ST6GALNAC3: variants seen among roughly 807,000 people sequenced by gnomAD.
The protein encoded by ST6GALNAC3 is alpha-N-acetylgalactosaminide alpha-2,6-sialyltransferase 3.
A neutral mutation model predicts 32.7 loss-of-function variants in ST6GALNAC3; 25 were observed. That is an observed-to-expected ratio of 0.76 (90% CI 0.56 to 1.07). The LOEUF (loss-of-function observed/expected upper bound fraction) is 1.07. Ranked by LOEUF, ST6GALNAC3 falls within the 50% of genes least tolerant of loss-of-function variation. ST6GALNAC3 has a pLI of 0.00. For missense variants in ST6GALNAC3, 355 were observed against 382.4 expected (o/e 0.93, Z 0.60); for synonymous variants, 129 against 133.1 (o/e 0.97, Z 0.21).
chr1:76,541,007 T>C (rs2100285809), intron 3 of ST6GALNAC3, among the ~76,000 whole-genome samples: 1 of 152,252 alleles, frequency 6.6e-6, no homozygotes, highest in Non-Finnish European at 1.5e-5. Flanking sequence ...AGTAAGTTTT[T>C]AGAGTCAGAG....
At chr1:76,449,136 G>T (rs886255409) in intron 3 of ST6GALNAC3, among the ~76,000 whole-genome samples, 1 of 152,154 alleles carries the variant, frequency 6.6e-6, no homozygotes, top group African/African-American at 2.4e-5. Context: ...GTCTTTATCT[G>T]CATTGTGAAA....
chr1:76,366,065 CT>C (rs548552752), intron 2 of ST6GALNAC3, among the ~76,000 whole-genome samples: 1 of 151,936 alleles, frequency 6.6e-6, no homozygotes, highest in Non-Finnish European at 1.5e-5. Flanking sequence ...TAGATGATTT[CT>C]TTTTTTTAAA....
intron 1 of ST6GALNAC3, among the ~76,000 whole-genome samples, chr1:76,171,814 CAACA>C (rs771019282): frequency 0.063 from 3,602 of 56,830 alleles, 118 homozygotes; most frequent in East Asian, 0.27. Flanking sequence ...ACCAAAACAA[CAACA>C]AAAAAAAAAA....
intron 3 of ST6GALNAC3, among the ~76,000 whole-genome samples, chr1:76,606,280 G>C (rs1647540159): frequency 6.6e-6 from 1 of 152,090 alleles, no homozygotes; most frequent in Non-Finnish European, 1.5e-5. Context: ...GTTCATTGCA[G>C]CACCATTCAC....
rs1557529022 is a variant in ST6GALNAC3 at position 76,525,808 on chromosome 1, T to TAC, written c.624-101643_624-101642insCA. 5.4e-3 allele frequency among the ~76,000 whole-genome samples: 701 copies of TAC among 129,670 alleles called. 9 individuals are homozygous for TAC. The highest frequency in any genetic ancestry group is 0.017 in the African/African-American group (660 of 37,806). 85.1% of individuals were successfully genotyped at this position (129,670 alleles called of 152,430 possible). ...GTGTGTGTGTATATATATATATATA[T>TAC]ATATATATATATATATATATGACCG... On this transcript the variant is annotated intron_variant, in intron 3 of 4. Transcript: ENST00000328299.
intron 3 of ST6GALNAC3, among the ~76,000 whole-genome samples, chr1:76,449,899 T>C (rs1409707638): frequency 6.6e-6 from 1 of 152,170 alleles, no homozygotes; most frequent in Non-Finnish European, 1.5e-5. Context: ...ATATCTAAGA[T>C]TTTGGTGCAC....
intron 1 of ST6GALNAC3, among the ~76,000 whole-genome samples, chr1:76,155,406 A>C: frequency 6.6e-6 from 1 of 152,342 alleles, no homozygotes; most frequent in Middle Eastern, 3.4e-3. Flanking sequence ...TGTTTCAAAC[A>C]GCTTTAGATT....
At chr1:76,481,747 T>C (rs945578742) in intron 3 of ST6GALNAC3, among the ~76,000 whole-genome samples, 1 of 152,190 alleles carries the variant, frequency 6.6e-6, no homozygotes, top group Non-Finnish European at 1.5e-5. Flanking sequence ...AAGTGTATTG[T>C]GTATGTGACA....
chr1:76,385,744 G>T (rs1349302695), intron 2 of ST6GALNAC3, among the ~76,000 whole-genome samples: 1 of 151,970 alleles, frequency 6.6e-6, no homozygotes, highest in Non-Finnish European at 1.5e-5. Context: ...AAGATATTTT[G>T]GAAACTGACT....
intron 1 of ST6GALNAC3, among the ~76,000 whole-genome samples, chr1:76,283,002 G>A (rs986553354): frequency 2.6e-5 from 4 of 152,012 alleles, no homozygotes; most frequent in Non-Finnish European, 5.9e-5. Context: ...TCAAGATCAC[G>A]CCACTGCACT....
intron 3 of ST6GALNAC3, among the ~76,000 whole-genome samples, chr1:76,425,257 C>T (rs1312994579): frequency 6.6e-6 from 1 of 151,912 alleles, no homozygotes; most frequent in African/African-American, 2.4e-5. Flanking sequence ...CTGTATAGCG[C>T]CTATGCAAAT....
chr1:76,149,104 C>A (rs772839113), intron 1 of ST6GALNAC3, among the ~76,000 whole-genome samples: 1 of 152,180 alleles, frequency 6.6e-6, no homozygotes, highest in African/African-American at 2.4e-5. Context: ...ACCTGGTAAT[C>A]GGTCTCTCTA....
At position 76,509,983 on chromosome 1, in the gene ST6GALNAC3, C is replaced by G. The variant is rs1661742947; in HGVS notation, c.623+97566C>G. The stretch of plus-strand genomic sequence containing the variant: ...TATCTTTAGGGAGCTATTATTCTAT[C>G]TAACACAGGGAAAAAAAGGATTTTC... On this transcript the variant is annotated intron_variant, in intron 3 of 4. Transcript: ENST00000328299. The surrounding 1 kb of genome is among the most constrained non-coding windows in gnomAD (Gnocchi z 5.5). 6.6e-6 allele frequency among the ~76,000 whole-genome samples: 1 copy of G among 152,128 alleles called. No homozygotes were observed. The highest frequency in any genetic ancestry group is 1.5e-5 in the Non-Finnish European group (1 of 68,014).
At chr1:76,254,630 A>C (rs1355754571) in intron 1 of ST6GALNAC3, among the ~76,000 whole-genome samples, 1 of 152,086 alleles carries the variant, frequency 6.6e-6, no homozygotes, top group Non-Finnish European at 1.5e-5. Flanking sequence ...AGACTGCCCT[A>C]TAGGCATTGG....
chr1:76,334,573 A>C (rs1647317109), intron 2 of ST6GALNAC3, among the ~76,000 whole-genome samples: 1 of 152,194 alleles, frequency 6.6e-6, no homozygotes, highest in Non-Finnish European at 1.5e-5. Flanking sequence ...CACAGAAATG[A>C]GATTCACCAA....
chr1:76,374,282 T>A (rs1651048568), intron 2 of ST6GALNAC3, among the ~76,000 whole-genome samples: 1 of 152,168 alleles, frequency 6.6e-6, no homozygotes, highest in African/African-American at 2.4e-5. Context: ...CATGAGGACA[T>A]CCTATATCAA....
chr1:76,133,128 T>A (rs1649721448), intron 1 of ST6GALNAC3, among the ~76,000 whole-genome samples: 1 of 152,172 alleles, frequency 6.6e-6, no homozygotes, highest in Non-Finnish European at 1.5e-5. Flanking sequence ...CTGGAGTCAC[T>A]TGGGTCTGCA....
At chr1:76,190,833 A>T (rs1385879940) in intron 1 of ST6GALNAC3, among the ~76,000 whole-genome samples, 1 of 152,086 alleles carries the variant, frequency 6.6e-6, no homozygotes, top group Non-Finnish European at 1.5e-5. Flanking sequence ...TGATATTTAT[A>T]CTCCCATCCC....
intron 2 of ST6GALNAC3, among the ~76,000 whole-genome samples, chr1:76,403,622 A>G (rs893670593): frequency 6.6e-6 from 1 of 152,120 alleles, no homozygotes; most frequent in African/African-American, 2.4e-5. Flanking sequence ...TGCCATTTTT[A>G]AAAGTTCTCC....
Sources: allele counts gnomAD v4.1 joint callset (sites outside exome capture counted in the v4.1 genomes callset), GRCh38; gene constraint gnomAD v4.1.1; non-coding constraint Gnocchi (gnomAD v3.1); transcripts MANE v1.5; gene names NCBI Gene and HGNC (gene_info 2026-07-23, HGNC 2026-07-21).